The following ADAMTSL1 variants were observed in gnomAD, a reference collection of about 807,000 sequenced individuals.
The protein encoded by ADAMTSL1 is ADAMTS-like protein 1.
ADAMTSL1 carries 126 observed loss-of-function variants against 201.8 expected under a neutral mutation model. That is an observed-to-expected ratio of 0.62 (90% confidence interval 0.54 to 0.72). ADAMTSL1 has a LOEUF of 0.72. Ranked by LOEUF, ADAMTSL1 falls within the 30% of genes least tolerant of loss-of-function variation. The pLI is 0.00. For missense variants in ADAMTSL1, 2,679 were observed against 2,277.8 expected (o/e 1.18, Z -3.59); for synonymous variants, 1,121 against 903.4 (o/e 1.24, Z -4.32).
chr9:18,811,249 G>A (rs1283143303), intron 20 of ADAMTSL1, among the ~76,000 whole-genome samples: 1 of 152,142 alleles, frequency 6.6e-6, no homozygotes, highest in Non-Finnish European at 1.5e-5. Flanking sequence ...CCCTCATGGA[G>A]GGGAGTATCA....
chr9:18,133,617 G>A (rs144615405), intron 1 of ADAMTSL1, among the ~76,000 whole-genome samples: 2 of 152,090 alleles, frequency 1.3e-5, no homozygotes, highest in Admixed American at 6.6e-5. Context: ...TGGCCTGGAA[G>A]TAATGGACCC....
chr9:18,073,719 T>A lies in ADAMTSL1; in HGVS notation c.88-90143T>A, dbSNP rs371641132. Among the ~76,000 whole-genome samples, 243 of 152,308 alleles carry A rather than the reference T, an allele frequency of 1.6e-3. 7 individuals are homozygous for A. The South Asian group carries it at 0.05, about 31-fold the overall frequency. On this transcript the variant is annotated intron_variant, in intron 1 of 29. Coordinates refer to the ADAMTSL1 transcript ENST00000680146. ...TGTTTTAAGATAGAAGACAACATGG[T>A]GTATTTAAGTGAGCTCTGGCAAGGG... is the stretch of plus-strand genomic sequence containing the variant.
At chr9:18,481,010 C>A (rs1291586469) in intron 1 of ADAMTSL1, among the ~76,000 whole-genome samples, 2 of 151,854 alleles carry the variant, frequency 1.3e-5, no homozygotes, top group Non-Finnish European at 2.9e-5. Flanking sequence ...AAGGGGAAGG[C>A]GAATATAACA....
chr9:18,684,831 T>G (rs919825353), intron 13 of ADAMTSL1, 31 bp downstream of exon 13: 1 of 1,580,974 alleles, frequency 6.3e-7, no homozygotes, highest in Non-Finnish European at 8.6e-7. Context: ...CTGTTCTATA[T>G]TTGAAACTGT....
intron 2 of ADAMTSL1, among the ~76,000 whole-genome samples, chr9:18,527,026 G>T (rs190933504): frequency 2.0e-4 from 31 of 152,270 alleles, no homozygotes; most frequent in African/African-American, 7.5e-4. Context: ...GGAGTTTGAG[G>T]TGGGAGGATC....
chr9:18,332,129 G>A (rs1035105045), intron 2 of ADAMTSL1, among the ~76,000 whole-genome samples: 3 of 152,050 alleles, frequency 2.0e-5, no homozygotes, highest in Non-Finnish European at 4.4e-5. Flanking sequence ...AATTCTTCTA[G>A]CACAAGCCCA....
At chr9:18,316,590 C>G (rs1834403947) in intron 2 of ADAMTSL1, among the ~76,000 whole-genome samples, 1 of 152,144 alleles carries the variant, frequency 6.6e-6, no homozygotes. Flanking sequence ...TTAAGGTTAT[C>G]TCTCTTATTC....
At chr9:18,406,986 T>C (rs1163851101) in intron 2 of ADAMTSL1, among the ~76,000 whole-genome samples, 1 of 152,234 alleles carries the variant, frequency 6.6e-6, no homozygotes, top group Non-Finnish European at 1.5e-5. Context: ...AAGATTTATG[T>C]ATTCATCCAA....
intron 23 of ADAMTSL1, among the ~76,000 whole-genome samples, chr9:18,838,125 A>G (rs201104388): frequency 1.3e-5 from 2 of 152,042 alleles, no homozygotes; most frequent in South Asian, 4.2e-4. Flanking sequence ...AGGCAAGGAG[A>G]AGCAAGTCAC....
chr9:18,450,766 G>C (rs1820373578), intron 2 of ADAMTSL1, among the ~76,000 whole-genome samples: 1 of 152,168 alleles, frequency 6.6e-6, no homozygotes, highest in African/African-American at 2.4e-5. Flanking sequence ...CAATAGTTGA[G>C]AGAGTAGGAA....
At chr9:18,061,024 T>G (rs1822428793) in intron 1 of ADAMTSL1, among the ~76,000 whole-genome samples, 1 of 152,202 alleles carries the variant, frequency 6.6e-6, no homozygotes, top group Non-Finnish European at 1.5e-5. Context: ...TTTCTGCGAC[T>G]CAGAGTTTTT....
intron 4 of ADAMTSL1, among the ~76,000 whole-genome samples, chr9:18,618,030 G>A (rs1439398458): frequency 6.6e-6 from 1 of 152,096 alleles, no homozygotes; most frequent in Non-Finnish European, 1.5e-5. Flanking sequence ...GAATGGGGTG[G>A]GTCTGGGAAC....
chr9:18,409,956 C>T (rs574727947), intron 2 of ADAMTSL1, among the ~76,000 whole-genome samples: 21 of 151,506 alleles, frequency 1.4e-4, no homozygotes, highest in Admixed American at 5.3e-4. Flanking sequence ...CTAGGATATA[C>T]GTTATAATAC....
intron 1 of ADAMTSL1, among the ~76,000 whole-genome samples, chr9:18,098,082 C>A (rs561703482): frequency 6.6e-6 from 1 of 151,806 alleles, no homozygotes; most frequent in African/African-American, 2.4e-5. Flanking sequence ...TTATTGAAAA[C>A]GTGATCCAAT....
intron 15 of ADAMTSL1, among the ~76,000 whole-genome samples, chr9:18,728,221 G>C (rs1428698048): frequency 6.6e-6 from 1 of 152,146 alleles, no homozygotes; most frequent in Non-Finnish European, 1.5e-5. Flanking sequence ...CATGTCACCT[G>C]AAAGCATATA....
intron 19 of ADAMTSL1, among the ~76,000 whole-genome samples, chr9:18,790,409 G>A (rs893922644): frequency 1.3e-5 from 2 of 152,162 alleles, no homozygotes; most frequent in Admixed American, 6.6e-5. Flanking sequence ...AGACAGTGGT[G>A]TCACAGTTGA....
In ADAMTSL1 at chr9:18,644,539, AC is replaced by A. The variant is rs1409095579; in HGVS notation, c.834+5133del. ...TCTCCTAATGCTATCCCTCCCCCCT[AC>A]CCCCACCCCACAACAGTCCCCAGAG... On this transcript the variant is annotated intron_variant, in intron 7 of 28. Transcript: ENST00000380548. Among the ~76,000 whole-genome samples, 15 of 139,686 alleles carry A rather than the reference AC, an allele frequency of 1.1e-4. No homozygotes were observed. In the Admixed American group the frequency reaches 1.1e-3, roughly 10 times the overall value. The allele number at this position is 139,686 out of a possible 152,430, so 91.6% of individuals were successfully genotyped here.
intron 13 of ADAMTSL1, among the ~76,000 whole-genome samples, chr9:18,701,212 C>CTT (rs35537367): frequency 1.5e-3 from 134 of 87,646 alleles, no homozygotes; most frequent in East Asian, 3.3e-3. Flanking sequence ...CTTTTGGGTT[C>CTT]TTTTTTTTTT....
At chr9:18,728,045 A>G (rs1054305145) in intron 15 of ADAMTSL1, among the ~76,000 whole-genome samples, 1 of 151,888 alleles carries the variant, frequency 6.6e-6, no homozygotes, top group African/African-American at 2.4e-5. Flanking sequence ...ATGCCATTGC[A>G]CTCCAGCCTG....
Sources: gnomAD v4.1 joint callset for allele counts (sites outside exome capture counted in the v4.1 genomes callset) on GRCh38, gnomAD v4.1.1 for gene constraint, MANE v1.5 for transcripts, NCBI Gene and HGNC (gene_info 2026-07-23, HGNC 2026-07-21) for gene names.